The following TAMM41 variants were observed in gnomAD, a reference collection of about 807,000 sequenced individuals.
The protein encoded by TAMM41 is phosphatidate cytidylyltransferase, mitochondrial.
A neutral mutation model predicts 44.1 loss-of-function variants in TAMM41; 36 were observed. The observed-to-expected ratio is 0.82, with a 90% CI of 0.63 to 1.08. The LOEUF (loss-of-function observed/expected upper bound fraction) is 1.08, where lower values mean the gene tolerates loss of function less well. Ranked by LOEUF, TAMM41 falls within the 50% of genes least tolerant of loss-of-function variation. TAMM41 has a pLI of 0.00. For missense variants in TAMM41, 417 were observed against 404.3 expected (o/e 1.03, Z -0.27); for synonymous variants, 164 against 153.1 (o/e 1.07, Z -0.53).
At chr3:11,796,210 A>G (rs552093166) in intron 7 of TAMM41, among the ~76,000 whole-genome samples, 2 of 152,308 alleles carry the variant, frequency 1.3e-5, no homozygotes, top group Admixed American at 6.5e-5. Flanking sequence ...AGCTGGTTAT[A>G]GATGCCTGGC....
the TAMM41 span, among the ~76,000 whole-genome samples, chr3:11,772,053 G>A: frequency 1.3e-5 from 2 of 151,430 alleles, no homozygotes; most frequent in African/African-American, 4.9e-5. Context: ...ATAGTCTCCA[G>A]TGTCTGTTTT....
chr3:11,846,839 C>A lies in TAMM41; in HGVS notation c.-203G>T. ...GAAGAGCAGCGGCGAGAAGACGCAG[C>A]CCAGATAGGCTCGGGTGGGCGGCGG... is the stretch of plus-strand genomic sequence containing the variant. On this transcript the variant is annotated 5_prime_UTR_variant, in exon 1 of 8. Transcript: ENST00000455809. 1 of 632,870 alleles carries A rather than the reference C, an allele frequency of 1.6e-6. No homozygotes were observed. Among genetic ancestry groups the A allele is most frequent in the Non-Finnish European group, 2.7e-6 (1 of 372,314 alleles). The allele number at this position is 632,870 out of a possible 1,614,324, so 39.2% of individuals were successfully genotyped here. A position where few individuals can be genotyped will look rare whatever the true frequency, so the allele number is the denominator to read the frequency against.
At chr3:11,733,668 C>T in the TAMM41 span, among the ~76,000 whole-genome samples, 3 of 151,050 alleles carry the variant, frequency 2.0e-5, no homozygotes, top group South Asian at 2.1e-4. Flanking sequence ...CATTTTTTTT[C>T]GTATTTTTAG....
At chr3:11,787,853 G>A (rs925664413), downstream of TAMM41, among the ~76,000 whole-genome samples, 6 of 152,202 alleles carry the variant, frequency 3.9e-5, no homozygotes, top group African/African-American at 1.4e-4. Flanking sequence ...GAGCCTTCTG[G>A]AATGAGAAGA....
intron 3 of TAMM41, among the ~76,000 whole-genome samples, chr3:11,836,045 G>C (rs144873151): frequency 6.8e-6 from 1 of 147,850 alleles, no homozygotes; most frequent in Non-Finnish European, 1.5e-5. Flanking sequence ...GCTGGAGTGC[G>C]GAGTGCAATG....
intron 5 of TAMM41, among the ~76,000 whole-genome samples, chr3:11,814,254 A>G (rs771394841): frequency 1.3e-5 from 2 of 152,152 alleles, no homozygotes; most frequent in Non-Finnish European, 2.9e-5. Context: ...AGCTTCTAAC[A>G]TAACAGACTA....
intron 3 of TAMM41, chr3:11,833,055 T>C: frequency 8.1e-7 from 1 of 1,228,792 alleles, no homozygotes; most frequent in South Asian, 1.4e-5. Context: ...GATCTGGTTC[T>C]TCAATGAAAG....
At position 11,817,183 on chromosome 3, in the gene TAMM41, T is replaced by C. The variant is rs1385030601; in HGVS notation, c.708+9A>G. On this transcript the variant is annotated intron_variant, in intron 5 of 7. Transcript: ENST00000455809. Reference sequence around the variant, plus strand: ...GAAACAATACAAGCTATTTTCCACATACAGTTACCTCCAGCCAGCCTTGCT... The same window carrying C: ...GAAACAATACAAGCTATTTTCCACACACAGTTACCTCCAGCCAGCCTTGCT... 1.2e-6 allele frequency: 2 copies of C among 1,607,658 alleles called. No homozygotes were observed. The highest frequency in any genetic ancestry group is 1.1e-5 in the South Asian group (1 of 90,642).
intron 5 of TAMM41, among the ~76,000 whole-genome samples, chr3:11,814,777 A>G (rs1345294311): frequency 2.0e-5 from 3 of 152,174 alleles, no homozygotes; most frequent in South Asian, 2.1e-4. Flanking sequence ...AGCCTGGGCA[A>G]TATGGTGAAA....
the TAMM41 span, among the ~76,000 whole-genome samples, chr3:11,772,237 A>ATTT: frequency 0.066 from 9,025 of 136,208 alleles, 324 homozygotes; most frequent in Middle Eastern, 0.13. Context: ...CAGCTGGCTA[A>ATTT]TTTTTTTTTT....
intron 5 of TAMM41, among the ~76,000 whole-genome samples, chr3:11,813,393 G>GTGC (rs2078151211): frequency 6.6e-6 from 1 of 152,158 alleles, no homozygotes; most frequent in Non-Finnish European, 1.5e-5. Context: ...AGCTGGGTGT[G>GTGC]ATGGTGCATG....
At chr3:11,809,136 T>C (rs965382115) in intron 6 of TAMM41, 2 of 296,780 alleles carry the variant, frequency 6.7e-6, no homozygotes, top group South Asian at 3.2e-5. Context: ...ATGGAGTTGA[T>C]TGAGGAAAGC....
In TAMM41 at chr3:11,790,479, C is replaced by CAT. The variant is rs750782130; in HGVS notation, c.*24_*25dup. ...GGATCAAACACTTTATTCATCTACACATAACATATATAAAAGCAAGCAAAA... is the reference window on the plus strand; with the variant it reads ...GGATCAAACACTTTATTCATCTACACATATAACATATATAAAAGCAAGCAAAA... On this transcript the variant is annotated 3_prime_UTR_variant, in exon 8 of 8. Transcript: ENST00000455809. 4 of 1,593,632 alleles carry CAT rather than the reference C, an allele frequency of 2.5e-6. No individual in the cohort carries two copies. In the South Asian group the frequency reaches 4.4e-5, roughly 18 times the overall value.
At chr3:11,734,461 T>G in the TAMM41 span, among the ~76,000 whole-genome samples, 3 of 152,228 alleles carry the variant, frequency 2.0e-5, no homozygotes, top group Non-Finnish European at 4.4e-5. Flanking sequence ...CAGTGGCTTC[T>G]GATCCTGACA....
chr3:11,830,212 C>T (rs2078926873), intron 3 of TAMM41, among the ~76,000 whole-genome samples: 2 of 152,162 alleles, frequency 1.3e-5, no homozygotes, highest in East Asian at 3.9e-4. Flanking sequence ...ATTTTTTAGT[C>T]GACAGAGGCA....
At chr3:11,731,746 G>A in the TAMM41 span, among the ~76,000 whole-genome samples, 1 of 152,140 alleles carries the variant, frequency 6.6e-6, no homozygotes, top group East Asian at 1.9e-4. Context: ...CTAGATCTTT[G>A]AGGCTGCTAC....
rs992857311 is a variant in TAMM41 at position 11,833,203 on chromosome 3, T to A, written c.412-3339A>T. 7.9e-6 allele frequency: 10 copies of A among 1,259,864 alleles called. No individual in the cohort carries two copies. The Admixed American group carries it at 2.5e-4, about 31-fold the overall frequency. 78.0% of individuals were successfully genotyped at this position (1,259,864 alleles called of 1,614,324 possible). ...TTGTGAATAGCTGTTTGTATCTTAC[T>A]GGGAATGCCCCGACCTGAACTGCAT... On this transcript the variant is annotated intron_variant, in intron 3 of 7. Transcript: ENST00000455809.
the TAMM41 span, among the ~76,000 whole-genome samples, chr3:11,738,289 C>T: frequency 6.6e-6 from 1 of 152,228 alleles, no homozygotes; most frequent in Admixed American, 6.5e-5. Context: ...TGAATCCCAA[C>T]TCAACCCCTT....
At chr3:11,820,799 G>C (rs1317037246) in intron 4 of TAMM41, among the ~76,000 whole-genome samples, 2 of 152,164 alleles carry the variant, frequency 1.3e-5, no homozygotes, top group Non-Finnish European at 2.9e-5. Context: ...TATGCCTCTA[G>C]AACTGCCAGT....
Sources: gnomAD v4.1 joint callset for allele counts (sites outside exome capture counted in the v4.1 genomes callset) on GRCh38, gnomAD v4.1.1 for gene constraint, MANE v1.5 for transcripts, NCBI Gene and HGNC (gene_info 2026-07-23, HGNC 2026-07-21) for gene names.